ARHGEF12: variants seen among roughly 807,000 people sequenced by gnomAD.
ARHGEF12 encodes Rho guanine nucleotide exchange factor 12, also known as KMT2A/ARHGEF12 fusion protein.
A neutral mutation model predicts 211.2 loss-of-function variants in ARHGEF12; 66 were observed. That is an observed-to-expected ratio of 0.31 (90% CI 0.26 to 0.38). The LOEUF (loss-of-function observed/expected upper bound fraction) is 0.38. ARHGEF12 is among the 10% of genes least tolerant of loss of function. The probability of loss-of-function intolerance (pLI) is 1.00; values close to 1 mark genes in which losing one functional copy is unlikely to be tolerated. For synonymous variants in ARHGEF12, 592 were observed against 638.4 expected (o/e 0.93, Z 1.09); for missense variants, 1,429 against 1,869.5 (o/e 0.76, Z 4.34).
In ARHGEF12 at chr11:120,451,579, TCCTGAACCTCAGGACTCTGCC is replaced by T; in HGVS notation, c.1912_1932del (p.Pro638_Ala644del). 1 of 1,614,138 alleles carries T rather than the reference TCCTGAACCTCAGGACTCTGCC, an allele frequency of 6.2e-7. No individual in the cohort carries two copies. Among genetic ancestry groups the T allele is most frequent in the Non-Finnish European group, 8.5e-7 (1 of 1,180,028 alleles). ...ACTTATCCACACCCTCATCTGTGAG[TCCTGAACCTCAGGACTCTGCC>T]AAGTTGCGCCAGAGTGGGTTAGCAA... On this transcript the variant is annotated inframe_deletion, in exon 22 of 41. Coordinates refer to ENST00000397843, the MANE Select transcript of ARHGEF12 (RefSeq NM_015313.3).
intron 1 of ARHGEF12, among the ~76,000 whole-genome samples, chr11:120,362,177 A>T (rs1565428652): frequency 6.6e-6 from 1 of 152,348 alleles, no homozygotes; most frequent in Non-Finnish European, 1.5e-5. Flanking sequence ...CATGGTAAAG[A>T]TGGATGGTCA....
chr11:120,347,161 TTCCTTC>T (rs1942769796), intron 1 of ARHGEF12, among the ~76,000 whole-genome samples: 1 of 63,466 alleles, frequency 1.6e-5, no homozygotes, highest in Non-Finnish European at 2.9e-5. Context: ...CCTTCCTTCC[TTCCTTC>T]CTTCCTTCCT....
intron 36 of ARHGEF12, chr11:120,477,779 A>T (rs2135989595): frequency 7.9e-6 from 3 of 379,852 alleles, no homozygotes; most frequent in South Asian, 1.3e-4. Flanking sequence ...GGCAGGGAGA[A>T]TTGCTTGAAC....
At chr11:120,468,871 A>G (rs1338133208) in intron 29 of ARHGEF12, among the ~76,000 whole-genome samples, 3 of 152,224 alleles carry the variant, frequency 2.0e-5, no homozygotes, top group African/African-American at 7.2e-5. Context: ...TTATTAAAAA[A>G]TTTTGTTTAA....
In ARHGEF12 at chr11:120,478,161, G is replaced by A; in HGVS notation, c.3538G>A (p.Asp1180Asn). 3 of 1,609,944 alleles carry A rather than the reference G, an allele frequency of 1.9e-6. No individual in the cohort carries two copies. Among genetic ancestry groups the A allele is most frequent in the Non-Finnish European group, 2.5e-6 (3 of 1,177,162 alleles). Residue 1180 changes from aspartate to asparagine, a missense_variant, in exon 37 of 41, where the codon GAT becomes AAT. Transcript: ENST00000397843. Reference sequence around the variant, plus strand: ...TTTTCTATTCCATTGGACAGACAGAGATTTGGGATTAGAATCTACCTTAAT... The same window carrying A: ...TTTTCTATTCCATTGGACAGACAGAAATTTGGGATTAGAATCTACCTTAAT... Reference protein sequence around the residue: ...SVTGLQSPDRDLGLESTLISS... With the variant: ...SVTGLQSPDRNLGLESTLISS...
At chr11:120,383,067 AG>A (rs1318434891) in intron 1 of ARHGEF12, among the ~76,000 whole-genome samples, 1 of 152,140 alleles carries the variant, frequency 6.6e-6, no homozygotes, top group Non-Finnish European at 1.5e-5. Flanking sequence ...CGAACCCAGG[AG>A]GCGGAGCTTG....
Position 120,336,926 on chromosome 11 carries a change from T to C in ARHGEF12, c.-318T>C. On this transcript the variant is annotated 5_prime_UTR_variant, in exon 1 of 41. Coordinates refer to ENST00000397843, the MANE Select transcript of ARHGEF12 (RefSeq NM_015313.3). ...GCCCCGGCGGGAGTCCCGGGTCCCC[T>C]TCCCACTGCGCGCGGATTTCCCTCT... 2.2e-6 allele frequency: 1 copy of C among 448,446 alleles called. No homozygotes were observed. The highest frequency in any genetic ancestry group is 3.9e-6 in the Non-Finnish European group (1 of 255,542). The allele number at this position is 448,446 out of a possible 1,614,324, so 27.8% of individuals were successfully genotyped here.
intron 1 of ARHGEF12, among the ~76,000 whole-genome samples, chr11:120,393,387 A>G (rs1481991977): frequency 6.6e-6 from 1 of 152,212 alleles, no homozygotes; most frequent in South Asian, 2.1e-4. Flanking sequence ...TGTATAGACT[A>G]TCAGATTAGA....
chr11:120,362,261 G>C (rs1943298188), intron 1 of ARHGEF12, among the ~76,000 whole-genome samples: 1 of 152,168 alleles, frequency 6.6e-6, no homozygotes, highest in Non-Finnish European at 1.5e-5. Context: ...AATCAATATA[G>C]GAAGAAGAAG....
rs763936117 is a variant in ARHGEF12 at position 120,440,167 on chromosome 11, A to G, written c.1038A>G (p.Ile346Met). 6 of 1,613,966 alleles carry G rather than the reference A, an allele frequency of 3.7e-6. No homozygotes were observed. In the South Asian group the frequency reaches 6.6e-5, roughly 18 times the overall value. ...TTGTCGGAAGTCCCTCAACCCGTATAGCACCTCATATTATTGGAGCAGAAG... is the reference window on the plus strand; with the variant it reads ...TTGTCGGAAGTCCCTCAACCCGTATGGCACCTCATATTATTGGAGCAGAAG... Reference protein sequence around the residue: ...QSLVGSPSTRIAPHIIGAEDD... With the variant: ...QSLVGSPSTRMAPHIIGAEDD... The change falls in exon 13 of 41, where the codon ATA becomes ATG. Residue 346 changes from isoleucine (I) to methionine (M), a missense_variant. Ile to Met is a conservative substitution (Grantham distance 10). Coordinates refer to ENST00000397843, the MANE Select transcript of ARHGEF12 (RefSeq NM_015313.3).
At chr11:120,430,293 C>T (rs1206032488) in intron 10 of ARHGEF12, among the ~76,000 whole-genome samples, 2 of 151,992 alleles carry the variant, frequency 1.3e-5, no homozygotes, top group African/African-American at 4.8e-5. Flanking sequence ...GGTTGTTTTC[C>T]TCCAGTTTAC....
Position 120,478,382 on chromosome 11 carries a change from A to G in ARHGEF12, c.3759A>G (p.Leu1253=). 6.2e-7 allele frequency: 1 copy of G among 1,613,892 alleles called. No individual in the cohort carries two copies. Among genetic ancestry groups the G allele is most frequent in the South Asian group, 1.1e-5 (1 of 91,074 alleles). The change falls in exon 37 of 41, where the codon CTA becomes CTG. Residue 1253 remains leucine, a synonymous_variant. Transcript: ENST00000397843. The part of the protein sequence containing the change: ...VSEERWALDA[L]RNLGLLKQLL... ...AAGAACGGTGGGCATTGGATGCACT[A>G]AGAAATTGTAAGTTTTATTCATAAC...
At chr11:120,373,515 C>T (rs548658349) in intron 1 of ARHGEF12, among the ~76,000 whole-genome samples, 1 of 152,224 alleles carries the variant, frequency 6.6e-6, no homozygotes, top group South Asian at 2.1e-4. Context: ...ATAATAGATG[C>T]TCAATACATA....
At chr11:120,404,792 C>T (rs1439728324) in intron 1 of ARHGEF12, among the ~76,000 whole-genome samples, 1 of 152,176 alleles carries the variant, frequency 6.6e-6, no homozygotes, top group East Asian at 1.9e-4. Flanking sequence ...CAGTTGGAAT[C>T]CTTTCTGTCA....
chr11:120,388,147 G>T (rs1014672145), intron 1 of ARHGEF12, among the ~76,000 whole-genome samples: 14 of 152,100 alleles, frequency 9.2e-5, no homozygotes, highest in African/African-American at 3.4e-4. Context: ...GGTCCTTATA[G>T]AGTAGTTTGA....
intron 1 of ARHGEF12, among the ~76,000 whole-genome samples, chr11:120,346,214 G>C (rs924178454): frequency 1.3e-5 from 2 of 152,164 alleles, no homozygotes; most frequent in South Asian, 4.1e-4. Context: ...TCTTTTGCTA[G>C]GTTATGCTGC....
chr11:120,376,866 C>A (rs1040487365), intron 1 of ARHGEF12, among the ~76,000 whole-genome samples: 1 of 152,126 alleles, frequency 6.6e-6, no homozygotes, highest in African/African-American at 2.4e-5. Flanking sequence ...ATTTTTAGCT[C>A]CCACAAATGA....
intron 1 of ARHGEF12, among the ~76,000 whole-genome samples, chr11:120,352,179 G>A (rs758119760): frequency 7.2e-5 from 11 of 151,822 alleles, no homozygotes; most frequent in African/African-American, 1.2e-4. Context: ...TCTGACATGA[G>A]GGATTTTGTC....
At chr11:120,341,827 A>G (rs1267297273) in intron 1 of ARHGEF12, among the ~76,000 whole-genome samples, 9 of 152,200 alleles carry the variant, frequency 5.9e-5, no homozygotes, top group Non-Finnish European at 4.4e-5. Context: ...TTCCCTTATA[A>G]TAATTACAGG....
Sources: allele counts gnomAD v4.1 joint callset (sites outside exome capture counted in the v4.1 genomes callset), GRCh38; gene constraint gnomAD v4.1.1; transcripts MANE v1.5; gene names NCBI Gene and HGNC (gene_info 2026-07-23, HGNC 2026-07-21).